The following SNX29 variants were observed in gnomAD, a reference collection of about 807,000 sequenced individuals.
The protein encoded by SNX29 is sorting nexin-29.
A neutral mutation model predicts 102.1 loss-of-function variants in SNX29; 78 were observed. The observed-to-expected ratio is 0.76, with a 90% CI of 0.64 to 0.92. The LOEUF (loss-of-function observed/expected upper bound fraction) is 0.92. Ranked by LOEUF, SNX29 falls within the 40% of genes least tolerant of loss-of-function variation. The probability of loss-of-function intolerance (pLI) is 0.00; values close to 1 mark genes in which losing one functional copy is unlikely to be tolerated. For synonymous variants in SNX29, 580 were observed against 414.5 expected (o/e 1.40, Z -4.85); for missense variants, 1,280 against 1,061.7 (o/e 1.21, Z -2.86).
intron 18 of SNX29, among the ~76,000 whole-genome samples, chr16:12,421,476 G>C (rs896215627): frequency 6.6e-6 from 1 of 152,192 alleles, no homozygotes; most frequent in Non-Finnish European, 1.5e-5. Context: ...AATATTCCTA[G>C]ATCTTTCTTG....
intron 20 of SNX29, among the ~76,000 whole-genome samples, chr16:12,556,967 G>A (rs988406875): frequency 6.2e-5 from 9 of 145,818 alleles, no homozygotes; most frequent in African/African-American, 7.7e-5. Context: ...TCCCACTTCT[G>A]CCTCATGAGT....
intron 19 of SNX29, among the ~76,000 whole-genome samples, chr16:12,490,980 G>T (rs1289982401): frequency 6.6e-6 from 1 of 152,198 alleles, no homozygotes; most frequent in Non-Finnish European, 1.5e-5. Flanking sequence ...TTATGAGAGG[G>T]TTTTCTTTTT....
At chr16:12,268,197 A>G (rs1267590315) in intron 14 of SNX29, among the ~76,000 whole-genome samples, 1 of 152,206 alleles carries the variant, frequency 6.6e-6, no homozygotes, top group Non-Finnish European at 1.5e-5. Context: ...CTGGCCTGGC[A>G]TATTAAATAG....
chr16:12,249,824 C>T (rs961355299), intron 14 of SNX29, among the ~76,000 whole-genome samples: 1 of 152,226 alleles, frequency 6.6e-6, no homozygotes, highest in Admixed American at 6.5e-5. Context: ...GTGTGCTGAG[C>T]TGTCCCGGCC....
rs997530273 is a variant in SNX29, at chr16:12,532,398, C to T, written c.2318+7557C>T. 6.6e-5 allele frequency among the ~76,000 whole-genome samples: 10 copies of T among 152,254 alleles called. No homozygotes were observed. The East Asian group carries it at 9.6e-4, about 15-fold the overall frequency. ...AGCAGCGTTCACTTGTGTTTCCCAG[C>T]GTTTGTATATTCATTCTAGGCTGTC... On this transcript the variant is annotated intron_variant, in intron 20 of 20. Coordinates refer to ENST00000566228, the MANE Select transcript of SNX29 (RefSeq NM_032167.5).
chr16:12,565,488 C>A (rs908152739), intron 20 of SNX29, among the ~76,000 whole-genome samples: 2 of 152,208 alleles, frequency 1.3e-5, no homozygotes, highest in Non-Finnish European at 1.5e-5. Context: ...AGCACCCCTG[C>A]CTCCAAGCCT....
At chr16:12,509,650 G>GTAATC (rs1197936494) in intron 19 of SNX29, among the ~76,000 whole-genome samples, 9 of 152,178 alleles carry the variant, frequency 5.9e-5, no homozygotes, top group Non-Finnish European at 8.8e-5. Context: ...CAAGGGTAGT[G>GTAATC]GCTTACACCT....
chr16:12,548,362 C>A (rs1262076437), intron 20 of SNX29, among the ~76,000 whole-genome samples: 1 of 152,208 alleles, frequency 6.6e-6, no homozygotes, highest in Non-Finnish European at 1.5e-5. Context: ...ACTCTGCACC[C>A]ACATGGAAGG....
intron 8 of SNX29, among the ~76,000 whole-genome samples, chr16:12,058,739 C>T (rs1199002167): frequency 6.6e-6 from 1 of 151,040 alleles, no homozygotes; most frequent in Non-Finnish European, 1.5e-5. Flanking sequence ...GGTGATCTAC[C>T]CGCCACGGCC....
At chr16:12,474,116 G>A (rs1013859032) in intron 18 of SNX29, among the ~76,000 whole-genome samples, 2 of 152,120 alleles carry the variant, frequency 1.3e-5, no homozygotes, top group Non-Finnish European at 2.9e-5. Context: ...AGGGCAGAGG[G>A]CAGGTAGCCG....
rs527485821 is a variant in SNX29, at chr16:12,508,724, C to T, written c.2179-15978C>T. Among the ~76,000 whole-genome samples the T allele has an allele frequency of 2.6e-5, 4 of 152,190 alleles. No homozygotes were observed. The East Asian group carries it at 7.8e-4, about 30-fold the overall frequency. On this transcript the variant is annotated intron_variant, in intron 19 of 20. Coordinates refer to ENST00000566228, the MANE Select transcript of SNX29 (RefSeq NM_032167.5). ...TGTCTTTGGGGTGTTTGATTCACTC[C>T]AGGTTTCTTTTATCTCCACCAGCTC...
At chr16:12,197,469 G>C (rs1382095217) in intron 13 of SNX29, among the ~76,000 whole-genome samples, 1 of 152,204 alleles carries the variant, frequency 6.6e-6, no homozygotes, top group Non-Finnish European at 1.5e-5. Context: ...TACTTGGGAG[G>C]CTGAGGCAGG....
intron 15 of SNX29, among the ~76,000 whole-genome samples, chr16:12,279,268 T>C (rs1208091186): frequency 6.6e-6 from 1 of 152,208 alleles, no homozygotes; most frequent in Non-Finnish European, 1.5e-5. Flanking sequence ...CCCAGGGCCT[T>C]GGAGGGTGTT....
chr16:12,386,505 C>G (rs2083346922), intron 16 of SNX29, among the ~76,000 whole-genome samples: 1 of 152,178 alleles, frequency 6.6e-6, no homozygotes, highest in Non-Finnish European at 1.5e-5. Context: ...ACGCTCTTCA[C>G]TGCTCTGCCC....
chr16:12,117,441 G>A (rs1194427521), intron 11 of SNX29, among the ~76,000 whole-genome samples: 1 of 150,746 alleles, frequency 6.6e-6, no homozygotes, highest in Admixed American at 6.6e-5. Flanking sequence ...AAACAGGCGT[G>A]GTCAATACGT....
At chr16:12,027,728 C>T (rs1031390927) in intron 4 of SNX29, 11 of 210,950 alleles carry the variant, frequency 5.2e-5, no homozygotes, top group South Asian at 1.9e-4. Flanking sequence ...ACCACTGTGG[C>T]GTGCCAGTTG....
At chr16:12,284,243 G>A (rs899426057) in intron 15 of SNX29, among the ~76,000 whole-genome samples, 1 of 152,234 alleles carries the variant, frequency 6.6e-6, no homozygotes, top group African/African-American at 2.4e-5. Flanking sequence ...ACTGAGTTCA[G>A]ATTTGCCACT....
chr16:12,560,324 G>C (rs1424124612), intron 20 of SNX29, among the ~76,000 whole-genome samples: 1 of 152,130 alleles, frequency 6.6e-6, no homozygotes, highest in South Asian at 2.1e-4. Flanking sequence ...AAAAAATAAT[G>C]CTGGGTTTAC....
intron 11 of SNX29, 80 bp from the exon 12 acceptor site, chr16:12,126,553 G>A (rs997702371): frequency 7.8e-6 from 11 of 1,415,292 alleles, no homozygotes; most frequent in Non-Finnish European, 1.1e-5. Flanking sequence ...ATCCTTAATA[G>A]CATATAATCC....
Sources: allele counts gnomAD v4.1 joint callset (sites outside exome capture counted in the v4.1 genomes callset), GRCh38; gene constraint gnomAD v4.1.1; transcripts MANE v1.5; gene names NCBI Gene and HGNC (gene_info 2026-07-23, HGNC 2026-07-21).